Variants in ZNF91 observed in about 807,000 individuals in gnomAD.
ZNF91 encodes zinc finger protein 91 (HPF7, HTF10).
ZNF91 carries 7 observed loss-of-function variants against 12.6 expected under a neutral mutation model. The ratio of observed to expected loss-of-function variants is 0.55; its 90% CI spans 0.31 to 1.04. The LOEUF is 1.04. Among genes scored for constraint, ZNF91 ranks in the 50% least tolerant of loss-of-function variants. The pLI is 0.05. For missense variants in ZNF91, 1,217 were observed against 1,385.4 expected (o/e 0.88, Z 1.93); for synonymous variants, 453 against 462.6 (o/e 0.98, Z 0.27).
Position 23,359,221 on chromosome 19 carries a change from A to C in ZNF91, c.*182T>G. 2.2e-6 allele frequency: 1 copy of C among 462,500 alleles called. No individual in the cohort carries two copies. 28.6% of individuals were successfully genotyped at this position (462,500 alleles called of 1,614,324 possible). ...TTTGTAGGGTTTCTCTCTAGTATGA[A>C]TTTTCTTTTTTTTTTTTTTGAGACG... On this transcript the variant is annotated 3_prime_UTR_variant, in exon 4 of 4. Coordinates refer to ENST00000300619, the MANE Select transcript of ZNF91 (RefSeq NM_003430.4).
At chr19:23,366,705 C>A (rs1244347263) in intron 3 of ZNF91, among the ~76,000 whole-genome samples, 1 of 152,158 alleles carries the variant, frequency 6.6e-6, no homozygotes, top group African/African-American at 2.4e-5. Context: ...TCTAACAAAC[C>A]AGCTTTCATT....
In ZNF91 at chr19:23,362,102, G is replaced by A; in HGVS notation, c.877C>T (p.Pro293Ser). ...RHKRIHTGEK[P>S]YKCEECGKAF... is the part of the protein sequence containing the mutation. The stretch of plus-strand genomic sequence containing the variant: ...TTGCCACATTCTTCACATTTGTAGG[G>A]TTTCTCTCCAGTGTGTATCCTCTTA... Residue 293 changes from proline to serine, a missense_variant, in exon 4 of 4, where the codon CCC (proline) becomes TCC (serine). By Grantham distance (74) the Pro-to-Ser change is moderately conservative (BLOSUM62 -1). Coordinates refer to ENST00000300619, the MANE Select transcript of ZNF91 (RefSeq NM_003430.4). 1 of 1,613,894 alleles carries A rather than the reference G, an allele frequency of 6.2e-7. No individual in the cohort carries two copies. The highest frequency in any genetic ancestry group is 1.3e-5 in the African/African-American group (1 of 74,984).
intron 1 of ZNF91, among the ~76,000 whole-genome samples, chr19:23,332,565 A>G (rs1165988435): frequency 1.3e-5 from 2 of 152,102 alleles, no homozygotes; most frequent in African/African-American, 4.8e-5. Flanking sequence ...ACTAACTGAA[A>G]ATCTCCTGTG....
intron 3 of ZNF91, among the ~76,000 whole-genome samples, chr19:23,346,825 T>G (rs1968242936): frequency 6.6e-6 from 1 of 152,094 alleles, no homozygotes; most frequent in Admixed American, 6.5e-5. Flanking sequence ...ATCCATAACG[T>G]CAAAGAAAGA....
chr19:23,330,781 G>C (rs1415585747), intron 1 of ZNF91, among the ~76,000 whole-genome samples: 1 of 152,190 alleles, frequency 6.6e-6, no homozygotes, highest in East Asian at 1.9e-4. Flanking sequence ...TACTTCTAAA[G>C]CTAAGCTTAA....
chr19:23,310,180 T>C (rs972476680), intron 1 of ZNF91, among the ~76,000 whole-genome samples: 8 of 141,466 alleles, frequency 5.7e-5, no homozygotes, highest in African/African-American at 2.2e-4. Flanking sequence ...ATGCATACCA[T>C]ATAAAGCCCT....
At chr19:23,379,558 C>T (rs1183900446) in intron 1 of ZNF91, among the ~76,000 whole-genome samples, 1 of 152,140 alleles carries the variant, frequency 6.6e-6, no homozygotes, top group Non-Finnish European at 1.5e-5. Context: ...TTTACAGCGC[C>T]ATGTCATAGG....
chr19:23,334,953 A>C (rs1367385542), downstream of ZNF91, among the ~76,000 whole-genome samples: 1 of 152,228 alleles, frequency 6.6e-6, no homozygotes, highest in East Asian at 1.9e-4. Context: ...TCACATACCA[A>C]AAAAGAATTT....
At chr19:23,328,975 T>C (rs1234883253) in intron 1 of ZNF91, 1 of 152,238 alleles carries the variant, frequency 6.6e-6, no homozygotes, top group East Asian at 1.9e-4. Flanking sequence ...TTTTAGCTAT[T>C]TCTCCACTTG....
At chr19:23,385,184 A>T in intron 1 of ZNF91, 2 of 675,886 alleles carry the variant, frequency 3.0e-6, no homozygotes, top group Non-Finnish European at 5.3e-6. Flanking sequence ...GGAAAGACTA[A>T]GTCAGAGGAG....
chr19:23,344,892 G>A (rs1207887510), intron 3 of ZNF91, among the ~76,000 whole-genome samples: 2 of 152,226 alleles, frequency 1.3e-5, no homozygotes, highest in African/African-American at 2.4e-5. Context: ...TCCAGAGGGA[G>A]GCCATCTGGG....
intron 1 of ZNF91, among the ~76,000 whole-genome samples, chr19:23,383,735 A>G (rs1263715850): frequency 6.6e-6 from 1 of 152,150 alleles, no homozygotes; most frequent in Admixed American, 6.5e-5. Flanking sequence ...AACTGGCAAA[A>G]GGCAAAAGAT....
At chr19:23,368,550 C>CTATTTA (rs1203874295) in intron 3 of ZNF91, among the ~76,000 whole-genome samples, 2 of 68,364 alleles carry the variant, frequency 2.9e-5, no homozygotes, top group African/African-American at 1.3e-4. Context: ...CTCTCTCTCT[C>CTATTTA]TCTCTCTCTC....
rs1332429019 is a variant in ZNF91, at chr19:23,325,619, C to A, written n.117-16522G>T. On this transcript the variant is annotated intron_variant and non_coding_transcript_variant, in intron 1 of 1. Transcript: ENST00000596528. ...TGGAAGGTGATTGCCATGTACACAACCTACTAGGCCAGGAACATTACTGAT... is the reference window on the plus strand; with the variant it reads ...TGGAAGGTGATTGCCATGTACACAAACTACTAGGCCAGGAACATTACTGAT... 6.6e-5 allele frequency: 10 copies of A among 152,278 alleles called. No homozygotes were observed. The East Asian group carries it at 1.5e-3, about 23-fold the overall frequency. 9.4% of individuals were successfully genotyped at this position (152,278 alleles called of 1,614,324 possible).
chr19:23,342,241 A>T, intron 3 of ZNF91: 1 of 522,794 alleles, frequency 1.9e-6, no homozygotes, highest in Non-Finnish European at 3.5e-6. Context: ...GCAGGATATC[A>T]GATCAGAGTT....
At chr19:23,349,655 C>G (rs1314379533) in intron 3 of ZNF91, among the ~76,000 whole-genome samples, 1 of 152,174 alleles carries the variant, frequency 6.6e-6, no homozygotes, top group African/African-American at 2.4e-5. Context: ...AAACCTACAA[C>G]TGAAGTGGAC....
At chr19:23,370,292 T>A (rs1969222282) in intron 3 of ZNF91, among the ~76,000 whole-genome samples, 1 of 151,968 alleles carries the variant, frequency 6.6e-6, no homozygotes, top group Admixed American at 6.6e-5. Flanking sequence ...AATAAACTAG[T>A]AACGAAACGA....
intron 3 of ZNF91, among the ~76,000 whole-genome samples, chr19:23,368,446 T>TG (rs1969106814): frequency 6.8e-6 from 1 of 148,130 alleles, no homozygotes; most frequent in Non-Finnish European, 1.5e-5. Context: ...ACCCAGGAGG[T>TG]GGGGGTTGCA....
Position 23,342,422 on chromosome 19 carries a change from C to T in ZNF91, c.254-3368G>A, listed in dbSNP as rs539248703. ...GAAACTTTTGAATATTTAAAACATACGTGACATTTCTGGGTCCTTAGCTCT... is the reference window on the plus strand; with the variant it reads ...GAAACTTTTGAATATTTAAAACATATGTGACATTTCTGGGTCCTTAGCTCT... On this transcript the variant is annotated intron_variant, in intron 3 of 3. Transcript: ENST00000599743. Among the ~76,000 whole-genome samples the T allele has an allele frequency of 2.3e-4, 35 of 152,208 alleles. 1 individual carries two copies. In the South Asian group the frequency reaches 5.8e-3, roughly 25 times the overall value.
Sources: gnomAD v4.1 joint callset for allele counts (sites outside exome capture counted in the v4.1 genomes callset) on GRCh38, gnomAD v4.1.1 for gene constraint, MANE v1.5 for transcripts, NCBI Gene and HGNC (gene_info 2026-07-23, HGNC 2026-07-21) for gene names.